C6: variants seen among roughly 807,000 people sequenced by gnomAD.
The protein encoded by C6 is complement C6.
A neutral mutation model predicts 112.9 loss-of-function variants in C6; 101 were observed. That is an observed-to-expected ratio of 0.89 (90% confidence interval 0.76 to 1.06). The LOEUF (loss-of-function observed/expected upper bound fraction) is 1.06. Ranked by LOEUF, C6 falls within the 50% of genes least tolerant of loss-of-function variation. The pLI, the probability that C6 is intolerant of heterozygous loss-of-function variation, is 0.00. For synonymous variants in C6, 431 were observed against 384.1 expected (o/e 1.12, Z -1.43); for missense variants, 1,202 against 1,104.6 (o/e 1.09, Z -1.25).
chr5:41,147,104 A>G (rs1387053779), intron 17 of C6, among the ~76,000 whole-genome samples: 3 of 152,270 alleles, frequency 2.0e-5, no homozygotes, highest in South Asian at 4.2e-4. Flanking sequence ...TGTATTTTTG[A>G]CAATAATGTT....
intron 1 of C6, among the ~76,000 whole-genome samples, chr5:41,224,058 G>A (rs930040619): frequency 6.6e-6 from 1 of 152,070 alleles, no homozygotes; most frequent in Non-Finnish European, 1.5e-5. Flanking sequence ...GACAAAAATT[G>A]TACATGTTTG....
chr5:41,204,893 T>C (rs559040131), intron 1 of C6, among the ~76,000 whole-genome samples: 1 of 152,118 alleles, frequency 6.6e-6, no homozygotes, highest in African/African-American at 2.4e-5. Flanking sequence ...GTGGTCTCGA[T>C]CTCCTGACCT....
At chr5:41,165,384 T>G (rs549874009) in intron 9 of C6, among the ~76,000 whole-genome samples, 64 of 152,340 alleles carry the variant, frequency 4.2e-4, no homozygotes, top group Admixed American at 2.3e-3. Context: ...GTATTACCAA[T>G]TTATACTCCT....
chr5:41,235,148 C>T (rs1419491156), intron 1 of C6, among the ~76,000 whole-genome samples: 1 of 143,544 alleles, frequency 7.0e-6, no homozygotes, highest in African/African-American at 2.6e-5. Flanking sequence ...CATATGCATA[C>T]ATGTGCCATG....
chr5:41,187,192 C>A (rs745962554), intron 5 of C6, among the ~76,000 whole-genome samples: 1 of 152,070 alleles, frequency 6.6e-6, no homozygotes, highest in Non-Finnish European at 1.5e-5. Flanking sequence ...GGAATAGCAC[C>A]AATGCCCTTC....
At chr5:41,205,879 C>G (rs1224200559) in intron 1 of C6, among the ~76,000 whole-genome samples, 1 of 152,194 alleles carries the variant, frequency 6.6e-6, no homozygotes, top group East Asian at 1.9e-4. Context: ...AGTGGTCTCC[C>G]AGCACGGAGT....
In C6 at chr5:41,148,748, G is replaced by T. The variant is rs144639641; in HGVS notation, c.2623+493C>A. 2.6e-5 allele frequency among the ~76,000 whole-genome samples: 4 copies of T among 152,300 alleles called. No homozygotes were observed. In the East Asian group the frequency reaches 5.8e-4, roughly 22 times the overall value. Reference sequence around the variant, plus strand: ...ATGTGGGATGCTGTCTGGGCTCAGGGTGTCCTGCCTGAATAGTATTGTCAG... The same window carrying T: ...ATGTGGGATGCTGTCTGGGCTCAGGTTGTCCTGCCTGAATAGTATTGTCAG... On this transcript the variant is annotated intron_variant, in intron 17 of 17. Coordinates refer to ENST00000337836, the MANE Select transcript of C6 (RefSeq NM_000065.5).
intron 1 of C6, among the ~76,000 whole-genome samples, chr5:41,224,033 T>C (rs1049455600): frequency 1.3e-5 from 2 of 152,192 alleles, no homozygotes; most frequent in African/African-American, 4.8e-5. Context: ...AAATCTACTA[T>C]AATTTTCTTT....
rs143443464 is a variant in C6, at chr5:41,200,891, G to GTTTTTTTTTTTTTTTTTTTTTTTT, written c.300+643_300+666dup. On this transcript the variant is annotated intron_variant, in intron 3 of 17. Coordinates refer to ENST00000337836, the MANE Select transcript of C6 (RefSeq NM_000065.5). ...TGTTTTTGTTGTTGTTGTTGTTGTT[G>GTTTTTTTTTTTTTTTTTTTTTTTT]TTTTTTTTTTTTTTTTTTTTTTTTT... 9.9e-5 allele frequency among the ~76,000 whole-genome samples: 7 copies of GTTTTTTTTTTTTTTTTTTTTTTTT among 70,654 alleles called. 1 individual carries two copies. The highest frequency in any genetic ancestry group is 2.6e-4 in the African/African-American group (4 of 15,468). 46.4% of individuals were successfully genotyped at this position (70,654 alleles called of 152,430 possible).
chr5:41,150,348 T>C (rs1419532312), intron 15 of C6, among the ~76,000 whole-genome samples: 1 of 152,238 alleles, frequency 6.6e-6, no homozygotes, highest in Non-Finnish European at 1.5e-5. Flanking sequence ...TGTAAGGTTC[T>C]GGAGAGAGTA....
chr5:41,227,141 T>C (rs1343835428), intron 1 of C6, among the ~76,000 whole-genome samples: 2 of 152,162 alleles, frequency 1.3e-5, no homozygotes, highest in Non-Finnish European at 2.9e-5. Flanking sequence ...TTTTTGGTAA[T>C]AGTCAATTTA....
chr5:41,204,664 TTTTTTC>T lies in C6; in HGVS notation c.-20-1420_-20-1415del, dbSNP rs1330398548. 1.7e-4 allele frequency among the ~76,000 whole-genome samples: 25 copies of T among 148,246 alleles called. No homozygotes were observed. In the East Asian group the frequency reaches 3.9e-3, roughly 23 times the overall value. On this transcript the variant is annotated intron_variant, in intron 1 of 17. Transcript: ENST00000337836. ...CTTGTTAATAAATCAGTAAGCTTTT[TTTTTTC>T]TTTTTTTTTTTTTTTTTGAGATGGA... is the stretch of plus-strand genomic sequence containing the variant.
At chr5:41,190,821 G>A (rs1750136183) in intron 5 of C6, among the ~76,000 whole-genome samples, 1 of 152,022 alleles carries the variant, frequency 6.6e-6, no homozygotes, top group Non-Finnish European at 1.5e-5. Flanking sequence ...TCTGCATATG[G>A]ATATCCAGTT....
rs531036526 is a variant in C6, at chr5:41,142,438, G to T, written c.*387C>A. On this transcript the variant is annotated 3_prime_UTR_variant, in exon 18 of 18. Transcript: ENST00000337836. ...TGGGCTTCAAGAATGTGTTTCAGAG[G>T]TTCTGGAGATTTCTGTTTATTAACT... 2 of 229,792 alleles carry T rather than the reference G, an allele frequency of 8.7e-6. No homozygotes were observed. Among genetic ancestry groups the T allele is most frequent in the South Asian group, 1.4e-4 (2 of 14,794 alleles). The allele number at this position is 229,792 out of a possible 1,614,324, so 14.2% of individuals were successfully genotyped here. A position where few individuals can be genotyped will look rare whatever the true frequency, so the allele number is the denominator to read the frequency against.
At chr5:41,198,068 T>C (rs1750741348) in intron 4 of C6, among the ~76,000 whole-genome samples, 1 of 152,134 alleles carries the variant, frequency 6.6e-6, no homozygotes, top group African/African-American at 2.4e-5. Flanking sequence ...TGCTTAAAAT[T>C]AGGACTCTGA....
At position 41,220,224 on chromosome 5, in the gene C6, T is replaced by G. The variant is rs866957393; in HGVS notation, c.-20-16974A>C. Among the ~76,000 whole-genome samples the G allele has an allele frequency of 2.0e-5, 3 of 152,172 alleles. No homozygotes were observed. In the East Asian group the frequency reaches 5.8e-4, roughly 29 times the overall value. Reference sequence around the variant, plus strand: ...CATTTAGCTGTGTTTATTCTTTTTATGATAAAAAGCTACTTTGTCTTACCA... The same window carrying G: ...CATTTAGCTGTGTTTATTCTTTTTAGGATAAAAAGCTACTTTGTCTTACCA... On this transcript the variant is annotated intron_variant, in intron 1 of 17. Transcript: ENST00000263413.
At chr5:41,195,440 A>T (rs986669523) in intron 5 of C6, among the ~76,000 whole-genome samples, 2 of 151,916 alleles carry the variant, frequency 1.3e-5, no homozygotes, top group African/African-American at 4.8e-5. Context: ...TTCAAGGCCT[A>T]CCTCCAGGAC....
intron 1 of C6, among the ~76,000 whole-genome samples, chr5:41,259,261 T>C (rs1741897676): frequency 1.4e-5 from 2 of 145,802 alleles, no homozygotes; most frequent in African/African-American, 4.9e-5. Flanking sequence ...CTAACCTTAG[T>C]TCTTCTTAAT....
intron 5 of C6, among the ~76,000 whole-genome samples, chr5:41,190,826 C>G (rs1415132537): frequency 6.6e-6 from 1 of 152,024 alleles, no homozygotes; most frequent in South Asian, 2.1e-4. Flanking sequence ...ATATGGATAT[C>G]CAGTTTTTCC....
Sources: gnomAD v4.1 joint callset for allele counts (sites outside exome capture counted in the v4.1 genomes callset) on GRCh38, gnomAD v4.1.1 for gene constraint, MANE v1.5 for transcripts, NCBI Gene and HGNC (gene_info 2026-07-23, HGNC 2026-07-21) for gene names.